Variants in CAMK2D observed in about 807,000 individuals in gnomAD.
CAMK2D encodes the protein calcium/calmodulin-dependent protein kinase type II subunit delta.
Under a neutral mutation model 84.0 loss-of-function variants are expected in CAMK2D, and 37 were observed. That is an observed-to-expected ratio of 0.44 (90% CI 0.34 to 0.58). The LOEUF is 0.58. Ranked by LOEUF, CAMK2D falls within the 20% of genes least tolerant of loss-of-function variation. CAMK2D has a pLI of 0.02. For missense variants in CAMK2D, 448 were observed against 652.5 expected (o/e 0.69, Z 3.41); for synonymous variants, 202 against 212.5 (o/e 0.95, Z 0.43).
intron 2 of CAMK2D, among the ~76,000 whole-genome samples, chr4:113,737,723 C>T (rs896434798): frequency 1.5e-4 from 23 of 152,038 alleles, no homozygotes; most frequent in African/African-American, 5.6e-4. Flanking sequence ...TTTGTTAAGG[C>T]ATAATAGCAT....
intron 16 of CAMK2D, among the ~76,000 whole-genome samples, chr4:113,469,514 TA>T (rs1427399767): frequency 1.3e-5 from 2 of 152,208 alleles, no homozygotes; most frequent in Non-Finnish European, 2.9e-5. Context: ...GCTGCATCCC[TA>T]AAGTCCTGTG....
chr4:113,593,642 G>A (rs562865287), intron 4 of CAMK2D, among the ~76,000 whole-genome samples: 3 of 152,298 alleles, frequency 2.0e-5, no homozygotes, highest in African/African-American at 7.2e-5. Context: ...TTTGAAATAT[G>A]GCAGAGAATG....
At chr4:113,459,576 T>TTTTTGTAA (rs1211777669) in intron 18 of CAMK2D, among the ~76,000 whole-genome samples, 2 of 152,080 alleles carry the variant, frequency 1.3e-5, no homozygotes, top group African/African-American at 4.8e-5. Context: ...TTTTTGTAAC[T>TTTTTGTAA]GCTTTATAGC....
intron 3 of CAMK2D, among the ~76,000 whole-genome samples, chr4:113,627,730 G>A (rs1210492721): frequency 1.3e-5 from 2 of 152,108 alleles, no homozygotes; most frequent in Admixed American, 6.6e-5. Flanking sequence ...TTACATAGAT[G>A]GTGAAAAGGG....
chr4:113,736,144 A>AC (rs945052702), intron 2 of CAMK2D, among the ~76,000 whole-genome samples: 2 of 149,608 alleles, frequency 1.3e-5, no homozygotes, highest in African/African-American at 5.0e-5. Context: ...AAAAAAAAAA[A>AC]ACAACACCCA....
At chr4:113,539,995 T>C (rs909512299) in intron 6 of CAMK2D, among the ~76,000 whole-genome samples, 1 of 152,172 alleles carries the variant, frequency 6.6e-6, no homozygotes, top group Admixed American at 6.5e-5. Context: ...GCAGCTCCAA[T>C]GAAACATTAA....
intron 2 of CAMK2D, among the ~76,000 whole-genome samples, chr4:113,704,211 T>C (rs1376574100): frequency 1.3e-5 from 2 of 152,098 alleles, no homozygotes; most frequent in Non-Finnish European, 2.9e-5. Context: ...AGTTCCCCTC[T>C]CAATAATCTA....
chr4:113,748,047 A>G (rs955094337), intron 2 of CAMK2D, among the ~76,000 whole-genome samples: 2 of 152,104 alleles, frequency 1.3e-5, no homozygotes, highest in Admixed American at 6.5e-5. Flanking sequence ...TCTCAGTTCA[A>G]AAACTGATTC....
chr4:113,467,026 T>A (rs1235521412), intron 16 of CAMK2D, among the ~76,000 whole-genome samples: 2 of 152,244 alleles, frequency 1.3e-5, no homozygotes, highest in African/African-American at 4.8e-5. Flanking sequence ...TGTTTGTGAA[T>A]TTAATCAATT....
At chr4:113,699,370 T>C (rs2099411715) in intron 2 of CAMK2D, among the ~76,000 whole-genome samples, 1 of 152,134 alleles carries the variant, frequency 6.6e-6, no homozygotes, top group Non-Finnish European at 1.5e-5. Context: ...AAAAGTGACA[T>C]ATTTAAGTGC....
intron 8 of CAMK2D, among the ~76,000 whole-genome samples, chr4:113,520,023 A>G (rs2098335822): frequency 6.6e-6 from 1 of 152,216 alleles, no homozygotes; most frequent in Non-Finnish European, 1.5e-5. Flanking sequence ...ATACTAGCAA[A>G]GATGTCCATT....
intron 19 of CAMK2D, 100 bp downstream of exon 19, chr4:113,457,235 A>T: frequency 6.7e-7 from 1 of 1,495,320 alleles, no homozygotes; most frequent in South Asian, 1.4e-5. Flanking sequence ...ACCAACTACT[A>T]GCGTTAAATA....
At chr4:113,532,829 T>C (rs867186465) in intron 7 of CAMK2D, among the ~76,000 whole-genome samples, 1 of 152,178 alleles carries the variant, frequency 6.6e-6, no homozygotes, top group Non-Finnish European at 1.5e-5. Context: ...AGTGTCACCC[T>C]TGATACTACT....
chr4:113,573,268 C>G (rs2098763315), intron 4 of CAMK2D, among the ~76,000 whole-genome samples: 1 of 152,228 alleles, frequency 6.6e-6, no homozygotes, highest in Non-Finnish European at 1.5e-5. Context: ...CATACACACA[C>G]ATACAATCTC....
chr4:113,493,316 G>T (rs558657258), intron 16 of CAMK2D, among the ~76,000 whole-genome samples: 2 of 151,938 alleles, frequency 1.3e-5, no homozygotes, highest in South Asian at 4.2e-4. Flanking sequence ...CTTCCTTCAG[G>T]AACTCTTGTA....
intron 3 of CAMK2D, among the ~76,000 whole-genome samples, chr4:113,652,384 T>A (rs1192631727): frequency 1.3e-5 from 2 of 152,182 alleles, no homozygotes; most frequent in East Asian, 3.8e-4. Context: ...CCAATCTAAT[T>A]TTTTTTTCTA....
chr4:113,454,420 C>A lies in CAMK2D; in HGVS notation c.*125G>T. On this transcript the variant is annotated 3_prime_UTR_variant, in exon 21 of 21. Transcript: ENST00000511664. ...TAGGACCTTCACAACTTCATGCACT[C>A]AGAAACATGCATGAAGAGGAGGAGA... is the stretch of plus-strand genomic sequence containing the variant. 3 of 761,050 alleles carry A rather than the reference C, an allele frequency of 3.9e-6. No individual in the cohort carries two copies. Among genetic ancestry groups the A allele is most frequent in the Non-Finnish European group, 4.9e-6 (2 of 408,356 alleles). The allele number at this position is 761,050 out of a possible 1,614,324, so 47.1% of individuals were successfully genotyped here. A position where few individuals can be genotyped will look rare whatever the true frequency, so the allele number is the denominator to read the frequency against.
At chr4:113,678,088 T>G (rs1007031762) in intron 2 of CAMK2D, among the ~76,000 whole-genome samples, 5 of 152,198 alleles carry the variant, frequency 3.3e-5, no homozygotes, top group Admixed American at 2.0e-4. Flanking sequence ...GCCTACAAGT[T>G]AAATGAAAAA....
rs1037143721 is a variant in CAMK2D at position 113,493,219 on chromosome 4, T to C, written c.1135+7244A>G. On this transcript the variant is annotated intron_variant, in intron 16 of 20. Coordinates refer to ENST00000511664, the MANE Select transcript of CAMK2D (RefSeq NM_001321571.2). ...GCTGGTTATTTTGCTCGTTAGTTGA[T>C]GCAGTTTCTTCCTAGTCTCGATGGT... Among the ~76,000 whole-genome samples, 7 of 151,938 alleles carry C rather than the reference T, an allele frequency of 4.6e-5. No homozygotes were observed. The East Asian group carries it at 9.6e-4, about 21-fold the overall frequency.
Sources: allele counts gnomAD v4.1 joint callset (sites outside exome capture counted in the v4.1 genomes callset), GRCh38; gene constraint gnomAD v4.1.1; transcripts MANE v1.5; gene names NCBI Gene and HGNC (gene_info 2026-07-23, HGNC 2026-07-21).